Variants in PCNA observed in about 807,000 individuals in gnomAD.
PCNA encodes the protein DNA sliding clamp PCNA.
A neutral mutation model predicts 27.8 loss-of-function variants in PCNA; 4 were observed. The observed-to-expected ratio is 0.14, with a 90% CI of 0.07 to 0.33. The LOEUF (loss-of-function observed/expected upper bound fraction) is 0.33, where lower values mean the gene tolerates loss of function less well. PCNA is among the 10% of genes least tolerant of loss of function. The pLI, the probability that PCNA is intolerant of heterozygous loss-of-function variation, is 1.00. For missense variants in PCNA, 165 were observed against 327.4 expected (o/e 0.50, Z 3.83); for synonymous variants, 121 against 119.4 (o/e 1.01, Z -0.09).
At chr20:5,121,861 A>G (rs2090520312), upstream of PCNA, among the ~76,000 whole-genome samples, 1 of 152,086 alleles carries the variant, frequency 6.6e-6, no homozygotes, top group African/African-American at 2.4e-5. Context: ...TCCTGGGCTC[A>G]AGCAATCTTC....
chr20:5,117,800 TTTC>T (rs1310553843), intron 3 of PCNA, 136 bp from the exon 4 acceptor site: 1 of 570,094 alleles, frequency 1.8e-6, no homozygotes, highest in Non-Finnish European at 3.1e-6. Context: ...ACTTGCGTAA[TTTC>T]TTAACAAACT....
intron 1 of PCNA, among the ~76,000 whole-genome samples, chr20:5,125,463 A>AT (rs1372042586): frequency 6.6e-6 from 1 of 152,220 alleles, no homozygotes; most frequent in Non-Finnish European, 1.5e-5. Context: ...CTCTAAAAAA[A>AT]GGAGAAATAA....
chr20:5,115,086 A>G lies in PCNA; in HGVS notation c.*197T>C, dbSNP rs1440619350. The G allele has an allele frequency of 4.1e-6, 2 of 493,784 alleles. No individual in the cohort carries two copies. Among genetic ancestry groups the G allele is most frequent in the African/African-American group, 3.9e-5 (2 of 51,108 alleles). 30.6% of individuals were successfully genotyped at this position (493,784 alleles called of 1,614,324 possible). A position where few individuals can be genotyped will look rare whatever the true frequency, so the allele number is the denominator to read the frequency against. On this transcript the variant is annotated 3_prime_UTR_variant, in exon 6 of 6. Transcript: ENST00000379143. Reference sequence around the variant, plus strand: ...ACAAAAATACTTCTAGGTTAACTAGACCAGATCTGACTTTGGACTTTATTC... The same window carrying G: ...ACAAAAATACTTCTAGGTTAACTAGGCCAGATCTGACTTTGGACTTTATTC...
chr20:5,118,887 G>A, intron 1 of PCNA, 21 bp from the exon 2 acceptor site: 1 of 1,537,368 alleles, frequency 6.5e-7, no homozygotes, highest in Non-Finnish European at 9.0e-7. Flanking sequence ...GGAGACACAT[G>A]CTTTAAAATC....
At position 5,118,551 on chromosome 20, in the gene PCNA, T is replaced by G. The variant is rs555545934; in HGVS notation, c.387+59A>C. ...TGTCTGTAAAAATAAACAAACATTC[T>G]ATGACATAACTATCGTGCCTGTGTA... On this transcript the variant is annotated intron_variant, in intron 3 of 5. Coordinates refer to ENST00000379143, the MANE Select transcript of PCNA (RefSeq NM_182649.2). 195 of 1,223,456 alleles carry G rather than the reference T, an allele frequency of 1.6e-4. 2 individuals carry two copies. The South Asian group carries it at 2.4e-3, about 15-fold the overall frequency. The allele number at this position is 1,223,456 out of a possible 1,614,324, so 75.8% of individuals were successfully genotyped here. A position where few individuals can be genotyped will look rare whatever the true frequency, so the allele number is the denominator to read the frequency against.
At position 5,119,682 on chromosome 20, in the gene PCNA, G is replaced by A. The variant is rs1050525; in HGVS notation, c.117C>T (p.Ser39=). 1.2e-6 allele frequency: 2 copies of A among 1,611,744 alleles called. No homozygotes were observed. Among genetic ancestry groups the A allele is most frequent in the African/African-American group, 1.3e-5 (1 of 74,910 alleles). Residue 39 remains serine, a synonymous_variant, in exon 1 of 6, where the codon AGC becomes AGT. Transcript: ENST00000379143. The part of the protein sequence containing the change: ...DISSSGVNLQ[S]MDSSHVSLVQ... ...CCAAAGAGACGTGGGACGAGTCCAT[G>A]CTCTGCAGGTTTACACCGCTGGAGC...
At chr20:5,116,819 A>G (rs551487401) in intron 4 of PCNA, among the ~76,000 whole-genome samples, 1 of 152,198 alleles carries the variant, frequency 6.6e-6, no homozygotes, top group South Asian at 2.1e-4. Context: ...CACCCGGCTA[A>G]TTTTTATATT....
At chr20:5,117,198 A>G (rs936444937) in intron 4 of PCNA, among the ~76,000 whole-genome samples, 1 of 152,178 alleles carries the variant, frequency 6.6e-6, no homozygotes, top group Non-Finnish European at 1.5e-5. Flanking sequence ...TATACGCCTA[A>G]CTTCCCAATC....
At position 5,115,224 on chromosome 20, in the gene PCNA, G is replaced by A; in HGVS notation, c.*59C>T. 1 of 1,299,872 alleles carries A rather than the reference G, an allele frequency of 7.7e-7. No homozygotes were observed. Among genetic ancestry groups the A allele is most frequent in the East Asian group, 2.3e-5 (1 of 43,268 alleles). 80.5% of individuals were successfully genotyped at this position (1,299,872 alleles called of 1,614,324 possible). On this transcript the variant is annotated 3_prime_UTR_variant, in exon 6 of 6. Transcript: ENST00000379143. ...GACAGAAAAGACTTCAGTATATGCT[G>A]GCATCTTAGAAGCAGTTCTCAAAGA...
intron 1 of PCNA, among the ~76,000 whole-genome samples, chr20:5,125,958 G>C (rs2090545086): frequency 6.6e-6 from 1 of 152,218 alleles, no homozygotes; most frequent in Non-Finnish European, 1.5e-5. Context: ...GAAGGGCCAG[G>C]CTCGGTGGCT....
upstream of PCNA, chr20:5,120,012 C>A: frequency 1.7e-6 from 1 of 579,670 alleles, no homozygotes; most frequent in Admixed American, 3.0e-5. Context: ...GCGACGTCAC[C>A]ACGCTGTCCA....
rs1039250738 is a variant in PCNA, at chr20:5,115,651, C to A, written c.583-79G>T. On this transcript the variant is annotated intron_variant, in intron 4 of 5. Transcript: ENST00000379143. ...AGCTCATTATATATTTATAAAAACC[C>A]ACAAACACTTGTATTGGTCACTTTG... is the stretch of plus-strand genomic sequence containing the variant. 1.2e-5 allele frequency: 15 copies of A among 1,263,884 alleles called. No homozygotes were observed. The African/African-American group carries it at 1.9e-4, about 16-fold the overall frequency. The allele number at this position is 1,263,884 out of a possible 1,614,324, so 78.3% of individuals were successfully genotyped here.
chr20:5,117,719 C>T (rs2090485283), intron 3 of PCNA, 55 bp from the exon 4 acceptor site: 1 of 1,125,324 alleles, frequency 8.9e-7, no homozygotes, highest in Non-Finnish European at 1.3e-6. Context: ...AATGATTTGG[C>T]ACCCTCACTT....
intron 1 of PCNA, among the ~76,000 whole-genome samples, chr20:5,126,243 G>C (rs2090547678): frequency 1.3e-5 from 2 of 152,134 alleles, no homozygotes; most frequent in South Asian, 2.1e-4. Context: ...AACCACTGAG[G>C]AAGATCTTAA....
In PCNA at chr20:5,116,363, G is replaced by A. The variant is rs115847002; in HGVS notation, c.583-791C>T. On this transcript the variant is annotated intron_variant, in intron 4 of 5. Coordinates refer to ENST00000379143, the MANE Select transcript of PCNA (RefSeq NM_182649.2). ...GAAAAACAGAAAAAGAAAAAAACGAGGTTGGCAGGAGTGGAAATGTGATTC... is the reference window on the plus strand; with the variant it reads ...GAAAAACAGAAAAAGAAAAAAACGAAGTTGGCAGGAGTGGAAATGTGATTC... 2.6e-3 allele frequency among the ~76,000 whole-genome samples: 388 copies of A among 152,108 alleles called. 1 individual carries two copies. The highest frequency in any genetic ancestry group is 8.8e-3 in the African/African-American group (366 of 41,492).
chr20:5,124,744 G>A (rs893452760), upstream of PCNA, among the ~76,000 whole-genome samples: 3 of 152,134 alleles, frequency 2.0e-5, no homozygotes, highest in South Asian at 4.1e-4. Context: ...ACCCCTGTTC[G>A]TCACACAGTA....
At position 5,119,540 on chromosome 20, in the gene PCNA, GCGGGC is replaced by G. The variant is rs766015841; in HGVS notation, c.221+33_221+37del. The G allele has an allele frequency of 1.2e-5, 18 of 1,551,190 alleles. No individual in the cohort carries two copies. The East Asian group carries it at 4.1e-4, about 36-fold the overall frequency. On this transcript the variant is annotated intron_variant, in intron 1 of 5. Coordinates refer to ENST00000379143, the MANE Select transcript of PCNA (RefSeq NM_182649.2). ...CTCCCGCCAAGCACCGGAGGTGCAG[GCGGGC>G]CGGGGCCGGCTTCCCGGGGCCGCGA...
chr20:5,117,613 T>C lies in PCNA; in HGVS notation c.439A>G (p.Ile147Val), dbSNP rs1222707529. The C allele has an allele frequency of 1.2e-6, 2 of 1,613,806 alleles. No homozygotes were observed. Among genetic ancestry groups the C allele is most frequent in the Non-Finnish European group, 8.5e-7 (1 of 1,179,908 alleles). Residue 147 changes from isoleucine to valine, a missense_variant, in exon 4 of 6, where the codon ATA (isoleucine) becomes GTA (valine). By Grantham distance (29) the Ile-to-Val change is conservative (BLOSUM62 3). Coordinates refer to ENST00000379143, the MANE Select transcript of PCNA (RefSeq NM_182649.2). ...CCAATATGGCTGAGATCTCGGCATA[T>C]ACGTGCAAATTCACCAGAAGGCATC... Reference protein sequence around the residue: ...VKMPSGEFARICRDLSHIGDA... With the variant: ...VKMPSGEFARVCRDLSHIGDA...
chr20:5,116,422 A>G (rs996183874), intron 4 of PCNA, among the ~76,000 whole-genome samples: 1 of 151,984 alleles, frequency 6.6e-6, no homozygotes, highest in Non-Finnish European at 1.5e-5. Flanking sequence ...CCTAGACTTT[A>G]TTAATTTAAA....
Sources: gnomAD v4.1 joint callset for allele counts (sites outside exome capture counted in the v4.1 genomes callset) on GRCh38, gnomAD v4.1.1 for gene constraint, MANE v1.5 for transcripts, NCBI Gene and HGNC (gene_info 2026-07-23, HGNC 2026-07-21) for gene names.